Variants in MAGI1 observed in about 807,000 individuals in gnomAD.
The protein encoded by MAGI1 is membrane-associated guanylate kinase, WW and PDZ domain-containing protein 1.
A neutral mutation model predicts 139.9 loss-of-function variants in MAGI1; 58 were observed. That is an observed-to-expected ratio of 0.41 (90% CI 0.34 to 0.52). The LOEUF is 0.52. MAGI1 is among the 20% of genes least tolerant of loss of function. MAGI1 has a pLI of 0.12. For missense variants in MAGI1, 1,874 were observed against 1,901.6 expected (o/e 0.99, Z 0.27); for synonymous variants, 812 against 737.9 (o/e 1.10, Z -1.63).
intron 2 of MAGI1, among the ~76,000 whole-genome samples, chr3:65,547,230 C>G (rs780302364): frequency 6.6e-6 from 1 of 152,190 alleles, no homozygotes; most frequent in Non-Finnish European, 1.5e-5. Flanking sequence ...GGAAAGCTGA[C>G]TCTTACAGTG....
rs533994746 is a variant in MAGI1, at chr3:65,788,496, G to C, written c.314-166408C>G. Among the ~76,000 whole-genome samples, 5 of 152,114 alleles carry C rather than the reference G, an allele frequency of 3.3e-5. No individual in the cohort carries two copies. In the South Asian group the frequency reaches 1.0e-3, roughly 32 times the overall value. On this transcript the variant is annotated intron_variant, in intron 1 of 22. Transcript: ENST00000402939. ...ATTATTCATTTCAAGCTATTCTAGG[G>C]AACTGCTCTTGCAGTTCTATGCCCA...
chr3:65,498,289 A>AG (rs879144619), intron 2 of MAGI1, among the ~76,000 whole-genome samples: 1 of 56,438 alleles, frequency 1.8e-5, no homozygotes, highest in Non-Finnish European at 4.5e-5. Context: ...AAAAAAAAAG[A>AG]AAAAAAAAAG....
intron 1 of MAGI1, among the ~76,000 whole-genome samples, chr3:65,665,025 C>T (rs1351316481): frequency 6.6e-6 from 1 of 152,152 alleles, no homozygotes; most frequent in South Asian, 2.1e-4. Flanking sequence ...AGTAACCCCA[C>T]CCAAAATTCT....
chr3:65,355,825 C>T lies in MAGI1; in HGVS notation c.*553G>A, dbSNP rs2106670525. On this transcript the variant is annotated 3_prime_UTR_variant, in exon 23 of 23. Transcript: ENST00000402939. ...CATTTGCAATAGTAGTCTTGTCATA[C>T]AGTTTGCTTACTTTTAGGATCATCG... 1 of 152,792 alleles carries T rather than the reference C, an allele frequency of 6.5e-6. No individual in the cohort carries two copies. Among genetic ancestry groups the T allele is most frequent in the African/African-American group, 2.4e-5 (1 of 41,576 alleles). The allele number at this position is 152,792 out of a possible 1,614,324, so 9.5% of individuals were successfully genotyped here.
At chr3:65,847,288 A>C (rs1164584837) in intron 1 of MAGI1, among the ~76,000 whole-genome samples, 1 of 152,200 alleles carries the variant, frequency 6.6e-6, no homozygotes, top group Non-Finnish European at 1.5e-5. Context: ...CAGATGGCTC[A>C]ATGCTTTAGA....
At chr3:65,811,693 CAA>C (rs745690581) in intron 1 of MAGI1, among the ~76,000 whole-genome samples, 1 of 140,518 alleles carries the variant, frequency 7.1e-6, no homozygotes. Flanking sequence ...AATACACAAA[CAA>C]AAAAAAAAAC....
At chr3:65,556,715 T>A (rs2107995226) in intron 2 of MAGI1, among the ~76,000 whole-genome samples, 1 of 152,330 alleles carries the variant, frequency 6.6e-6, no homozygotes, top group Middle Eastern at 3.4e-3. Flanking sequence ...TAATCCACGC[T>A]GTTACAGAAG....
intron 1 of MAGI1, chr3:65,688,337 G>T: frequency 1.5e-6 from 1 of 673,538 alleles, no homozygotes; most frequent in South Asian, 1.4e-5. Context: ...TATCTACCTG[G>T]GATGGAGTGA....
intron 1 of MAGI1, chr3:65,874,756 A>AT (rs1285753010): frequency 1.3e-5 from 2 of 152,306 alleles, no homozygotes; most frequent in African/African-American, 4.8e-5. Flanking sequence ...ATTCCCAGGT[A>AT]TGTACCCAAG....
chr3:65,909,262 T>G (rs541427103), intron 1 of MAGI1, among the ~76,000 whole-genome samples: 1 of 152,152 alleles, frequency 6.6e-6, no homozygotes, highest in African/African-American at 2.4e-5. Flanking sequence ...TGGTGGCTCA[T>G]GCCTGTAATC....
chr3:65,564,655 C>CA (rs767582804), intron 2 of MAGI1, among the ~76,000 whole-genome samples: 1 of 152,208 alleles, frequency 6.6e-6, no homozygotes, highest in Non-Finnish European at 1.5e-5. Flanking sequence ...TAAACATAGA[C>CA]ACAGCCTCGT....
At chr3:65,926,925 G>A (rs2062555875) in intron 1 of MAGI1, among the ~76,000 whole-genome samples, 1 of 152,262 alleles carries the variant, frequency 6.6e-6, no homozygotes, top group Non-Finnish European at 1.5e-5. Flanking sequence ...AACCCAGGAG[G>A]CGGAGTTTGC....
At chr3:65,927,383 C>T (rs940986791) in intron 1 of MAGI1, among the ~76,000 whole-genome samples, 1 of 152,140 alleles carries the variant, frequency 6.6e-6, no homozygotes, top group African/African-American at 2.4e-5. Context: ...TTCTCCACCA[C>T]ATAATCACGC....
intron 1 of MAGI1, among the ~76,000 whole-genome samples, chr3:65,979,586 C>G (rs1185313099): frequency 6.6e-6 from 1 of 152,104 alleles, no homozygotes; most frequent in Non-Finnish European, 1.5e-5. Flanking sequence ...CCTTGAAGTA[C>G]CCAAAGAAAT....
At chr3:65,661,312 A>G (rs2086177082) in intron 1 of MAGI1, among the ~76,000 whole-genome samples, 1 of 152,196 alleles carries the variant, frequency 6.6e-6, no homozygotes. Flanking sequence ...TGTCAACAAA[A>G]TGAATTCTGT....
chr3:65,580,113 T>A (rs753277581), intron 2 of MAGI1, among the ~76,000 whole-genome samples: 4 of 152,150 alleles, frequency 2.6e-5, no homozygotes, highest in Non-Finnish European at 5.9e-5. Flanking sequence ...GAAAAATGTA[T>A]CTGTTCATTG....
At chr3:65,621,468 CTT>C (rs763006422) in intron 2 of MAGI1, among the ~76,000 whole-genome samples, 14 of 152,278 alleles carry the variant, frequency 9.2e-5, no homozygotes, top group Admixed American at 4.6e-4. Context: ...AAAATCCTGA[CTT>C]ATGAATCTGA....
At chr3:65,516,320 C>T (rs888686653) in intron 2 of MAGI1, among the ~76,000 whole-genome samples, 3 of 152,084 alleles carry the variant, frequency 2.0e-5, no homozygotes, top group African/African-American at 4.8e-5. Flanking sequence ...GCTGGGACTA[C>T]AGGCATGTGC....
At chr3:65,397,416 G>C (rs1944477698) in intron 13 of MAGI1, among the ~76,000 whole-genome samples, 1 of 152,162 alleles carries the variant, frequency 6.6e-6, no homozygotes, top group African/African-American at 2.4e-5. Flanking sequence ...CCTGCCGACA[G>C]CTTGCTATGT....
Sources: allele counts gnomAD v4.1 joint callset (sites outside exome capture counted in the v4.1 genomes callset), GRCh38; gene constraint gnomAD v4.1.1; transcripts MANE v1.5; gene names NCBI Gene and HGNC (gene_info 2026-07-23, HGNC 2026-07-21).